UACA: variants seen among roughly 807,000 people sequenced by gnomAD.
UACA encodes the protein nuclear membrane binding protein.
A neutral mutation model predicts 160.5 loss-of-function variants in UACA; 112 were observed. That is an observed-to-expected ratio of 0.70 (90% CI 0.60 to 0.82). The LOEUF (loss-of-function observed/expected upper bound fraction) is 0.82. Ranked by LOEUF, UACA falls within the 40% of genes least tolerant of loss-of-function variation. The pLI is 0.00. For missense variants in UACA, 1,574 were observed against 1,614.6 expected, an observed-to-expected ratio of 0.97 and a Z score of 0.43; for synonymous variants, 557 against 568.4, an observed-to-expected ratio of 0.98 and a Z score of 0.29.
At chr15:70,675,881 G>C (rs1897290197) in intron 13 of UACA, among the ~76,000 whole-genome samples, 1 of 152,136 alleles carries the variant, frequency 6.6e-6, no homozygotes, top group South Asian at 2.1e-4. Context: ...CTTCTGCCAG[G>C]TGAGGATGCA....
chr15:70,669,193 AT>A lies in UACA; in HGVS notation c.1490del (p.Asp497ValfsTer3). 6.2e-7 allele frequency: 1 copy of A among 1,613,980 alleles called. No homozygotes were observed. Among genetic ancestry groups the A allele is most frequent in the Non-Finnish European group, 8.5e-7 (1 of 1,179,988 alleles). On this transcript the variant is annotated frameshift_variant, in exon 16 of 19. Coordinates refer to ENST00000322954, the MANE Select transcript of UACA (RefSeq NM_018003.4). LOFTEE classifies it high-confidence loss of function. ...DSDEQIKQLE[D>X]ALKDVQKRMY... Reference sequence around the variant, plus strand: ...TCCTCTTCTGCACATCTTTTAATGCATCTTCTAATTGCTTTATCTGTTCATC... The same window carrying A: ...TCCTCTTCTGCACATCTTTTAATGCACTTCTAATTGCTTTATCTGTTCATC...
intron 18 of UACA, 44 bp downstream of exon 18, chr15:70,660,107 A>G (rs1430464465): frequency 6.8e-7 from 1 of 1,469,630 alleles, no homozygotes; most frequent in African/African-American, 1.4e-5. Flanking sequence ...AAAAATTATT[A>G]TCTCTAAAGC....
chr15:70,771,180 C>T, the UACA span, among the ~76,000 whole-genome samples: 10 of 152,312 alleles, frequency 6.6e-5, no homozygotes, highest in South Asian at 1.2e-3. Flanking sequence ...AATTTCATTA[C>T]CGTGCTTCCT....
At chr15:70,773,588 C>A in the UACA span, among the ~76,000 whole-genome samples, 1 of 152,084 alleles carries the variant, frequency 6.6e-6, no homozygotes, top group Non-Finnish European at 1.5e-5. Context: ...GACATGTCAT[C>A]CGCAGTAACA....
chr15:70,686,569 A>G (rs188453886), intron 7 of UACA, among the ~76,000 whole-genome samples: 83 of 148,080 alleles, frequency 5.6e-4, no homozygotes, highest in African/African-American at 2.0e-3. Context: ...GTATACATGC[A>G]TCATGCTGGT....
Position 70,667,722 on chromosome 15 carries a change from T to C in UACA, c.2962A>G (p.Ile988Val), listed in dbSNP as rs565566100. The C allele has an allele frequency of 4.6e-5, 75 of 1,614,064 alleles. No individual in the cohort carries two copies. The South Asian group carries it at 7.0e-4, about 15-fold the overall frequency. Reference protein sequence around the residue: ...QECIKVKYAPIVSFEECERKF... With the variant: ...QECIKVKYAPVVSFEECERKF... ...CTCTCGCACTCCTCAAAGCTGACAATTGGGGCGTATTTTACCTTAATGCAT... is the reference window on the plus strand; with the variant it reads ...CTCTCGCACTCCTCAAAGCTGACAACTGGGGCGTATTTTACCTTAATGCAT... The change falls in exon 16 of 19, where the codon ATT becomes GTT. Residue 988 changes from isoleucine to valine, a missense_variant. Coordinates refer to ENST00000322954, the MANE Select transcript of UACA (RefSeq NM_018003.4).
chr15:70,759,348 G>GT (rs2030611767), intron 1 of UACA, among the ~76,000 whole-genome samples: 1 of 152,184 alleles, frequency 6.6e-6, no homozygotes, highest in Non-Finnish European at 1.5e-5. Flanking sequence ...CTCCAACTTA[G>GT]TAAGTGATTA....
intron 9 of UACA, 86 bp downstream of exon 9, chr15:70,682,672 T>G: frequency 1.3e-6 from 1 of 762,990 alleles, no homozygotes; most frequent in Non-Finnish European, 1.9e-6. Context: ...AAACTCAGAA[T>G]AGTTATGCTA....
rs888179551 is a variant in UACA, at chr15:70,746,007, G to A, written c.78+17323C>T. Among the ~76,000 whole-genome samples, 8 of 152,214 alleles carry A rather than the reference G, an allele frequency of 5.3e-5. No homozygotes were observed. In the East Asian group the frequency reaches 1.4e-3, roughly 26 times the overall value. ...ATCAAGATGAATAAAAGATTTAAAC[G>A]TAAGACCTAAAACCATAAAAACCCT... is the stretch of plus-strand genomic sequence containing the variant. On this transcript the variant is annotated intron_variant, in intron 1 of 18. Coordinates refer to ENST00000322954, the MANE Select transcript of UACA (RefSeq NM_018003.4).
At chr15:70,777,517 A>C in the UACA span, among the ~76,000 whole-genome samples, 2 of 152,164 alleles carry the variant, frequency 1.3e-5, no homozygotes, top group African/African-American at 2.4e-5. Context: ...TATAAAAGAG[A>C]AGGAAAAGTG....
chr15:70,718,420 A>G (rs1485336306), intron 1 of UACA, among the ~76,000 whole-genome samples: 1 of 148,272 alleles, frequency 6.7e-6, no homozygotes, highest in Admixed American at 6.8e-5. Context: ...CAGCCATGTG[A>G]TATGTTTGGC....
intron 4 of UACA, among the ~76,000 whole-genome samples, 169 bp from the exon 5 acceptor site, chr15:70,690,680 C>T (rs1235566554): frequency 6.6e-6 from 1 of 152,050 alleles, no homozygotes; most frequent in East Asian, 1.9e-4. Context: ...AATACAGTAA[C>T]ATTATATAAC....
upstream of UACA, among the ~76,000 whole-genome samples, chr15:70,763,777 G>A (rs373732176): frequency 1.7e-4 from 26 of 152,352 alleles, no homozygotes; most frequent in East Asian, 2.5e-3. Flanking sequence ...CGCGCAGGCC[G>A]GGCTCCAGGC....
upstream of UACA, chr15:70,763,684 T>G: frequency 4.9e-6 from 2 of 411,010 alleles, no homozygotes; most frequent in East Asian, 4.2e-5. Context: ...AGTAACACCC[T>G]TCCTCTCCCA....
intron 1 of UACA, among the ~76,000 whole-genome samples, chr15:70,761,638 T>TATTCTA (rs2030764694): frequency 6.6e-6 from 1 of 152,236 alleles, no homozygotes; most frequent in Non-Finnish European, 1.5e-5. Context: ...GTACAGAACT[T>TATTCTA]ATTCTAATAT....
chr15:70,724,614 G>A (rs1367778583), intron 1 of UACA, among the ~76,000 whole-genome samples: 2 of 152,046 alleles, frequency 1.3e-5, no homozygotes, highest in Admixed American at 6.6e-5. Flanking sequence ...ACAATCACTC[G>A]CTAAAAGGTG....
chr15:70,671,926 T>G, intron 14 of UACA, 39 bp downstream of exon 14: 1 of 1,530,866 alleles, frequency 6.5e-7, no homozygotes, highest in Middle Eastern at 1.8e-4. Context: ...TTACTTGAAC[T>G]AGGTGAACTG....
rs1896432747 is a variant in UACA at position 70,654,582 on chromosome 15, CAA to C, written c.*2472_*2473del. The C allele has an allele frequency of 6.6e-6, 1 of 151,250 alleles. No homozygotes were observed. The highest frequency in any genetic ancestry group is 1.5e-5 in the Non-Finnish European group (1 of 67,878). 9.4% of individuals were successfully genotyped at this position (151,250 alleles called of 1,614,324 possible). Reference sequence around the variant, plus strand: ...AATGCATGAATATTTGATTTTATTTCAAAAGACAATTATTTATAACACTGACC... The same window carrying C: ...AATGCATGAATATTTGATTTTATTTCAAGACAATTATTTATAACACTGACC... On this transcript the variant is annotated 3_prime_UTR_variant, in exon 19 of 19. Transcript: ENST00000322954.
At chr15:70,701,620 C>T (rs1208029650) in intron 1 of UACA, among the ~76,000 whole-genome samples, 2 of 152,180 alleles carry the variant, frequency 1.3e-5, no homozygotes, top group Non-Finnish European at 2.9e-5. Flanking sequence ...CTACACCAAG[C>T]ACCATTTTCA....
Sources: gnomAD v4.1 joint callset for allele counts (sites outside exome capture counted in the v4.1 genomes callset) on GRCh38, gnomAD v4.1.1 for gene constraint, MANE v1.5 for transcripts, NCBI Gene and HGNC (gene_info 2026-07-23, HGNC 2026-07-21) for gene names.